Variants in HIGD1A observed in about 807,000 individuals in gnomAD.
HIGD1A encodes HIG1 hypoxia inducible domain family member 1A.
A neutral mutation model predicts 11.3 loss-of-function variants in HIGD1A; 8 were observed. That is an observed-to-expected ratio of 0.71 (90% confidence interval 0.42 to 1.28). HIGD1A has a LOEUF of 1.28. Ranked by LOEUF, HIGD1A falls within the 50% of genes most tolerant of loss-of-function variation. HIGD1A has a pLI of 0.01. For synonymous variants in HIGD1A, 32 were observed against 38.4 expected (o/e 0.83, Z 0.62); for missense variants, 107 against 118.8 (o/e 0.90, Z 0.46).
rs1313592281 is a variant in HIGD1A at position 42,783,438 on chromosome 3, A to C, written c.*1833T>G. On this transcript the variant is annotated 3_prime_UTR_variant, in exon 4 of 4. Coordinates refer to ENST00000321331, the MANE Select transcript of HIGD1A (RefSeq NM_014056.4). ...AGTTCAAGATCATCCAACATGGTGA[A>C]ACCTCGCCTTTACTAAAAACACAAA... Among the ~76,000 whole-genome samples the C allele has an allele frequency of 1.3e-5, 2 of 151,998 alleles. No individual in the cohort carries two copies. Among genetic ancestry groups the C allele is most frequent in the African/African-American group, 4.8e-5 (2 of 41,368 alleles).
Position 42,785,282 on chromosome 3 carries a change from G to A in HIGD1A, c.271C>T (p.Pro91Ser). The A allele has an allele frequency of 6.2e-7, 1 of 1,610,658 alleles. No individual in the cohort carries two copies. The highest frequency in any genetic ancestry group is 2.2e-5 in the East Asian group (1 of 44,838). Residue 91 changes from proline (P) to serine (S), a missense_variant, in exon 4 of 4, where the codon CCT (proline) becomes TCT (serine). Coordinates refer to ENST00000321331, the MANE Select transcript of HIGD1A (RefSeq NM_014056.4). ...YSMYREFWAKPKP is the reference protein window; with the variant it reads ...YSMYREFWAKSKP ...CAGCATCTCTTCTTCTAAGGCTTAG[G>A]TTTTGCCCAGAATTCCCGATACATG...
rs1243937157 is a variant in HIGD1A at position 42,803,506 on chromosome 3, G to C, written c.-23+930C>G. 2.0e-5 allele frequency among the ~76,000 whole-genome samples: 3 copies of C among 152,204 alleles called. No individual in the cohort carries two copies. In the South Asian group the frequency reaches 6.2e-4, roughly 31 times the overall value. On this transcript the variant is annotated intron_variant, in intron 1 of 3. Coordinates refer to ENST00000321331, the MANE Select transcript of HIGD1A (RefSeq NM_014056.4). ...CCTTCAAGTGACTCTGGTGCACAAA[G>C]AGAACTCCTAGTATACAGGACTCCA...
chr3:42,794,562 T>A (rs1231037343), intron 1 of HIGD1A, among the ~76,000 whole-genome samples: 1 of 152,194 alleles, frequency 6.6e-6, no homozygotes, highest in Non-Finnish European at 1.5e-5. Flanking sequence ...TTTAAATTGA[T>A]GTTACTTTTA....
rs372113783 is a variant in HIGD1A at position 42,786,024 on chromosome 3, C to T, written c.232+4G>A. 1 of 1,611,948 alleles carries T rather than the reference C, an allele frequency of 6.2e-7. No homozygotes were observed. The highest frequency in any genetic ancestry group is 1.3e-5 in the African/African-American group (1 of 74,846). On this transcript the variant is annotated splice_donor_region_variant and intron_variant, in intron 3 of 3. Coordinates refer to ENST00000321331, the MANE Select transcript of HIGD1A (RefSeq NM_014056.4). ...AAAATTTGAAATTTCCTATAGGAAC[C>T]TACCAACAGTCATTGCTCCTACAAC...
intron 1 of HIGD1A, among the ~76,000 whole-genome samples, chr3:42,799,988 A>G (rs576735892): frequency 1.1e-4 from 16 of 152,294 alleles, no homozygotes; most frequent in Non-Finnish European, 2.2e-4. Flanking sequence ...TAAACACTGT[A>G]TTTATTTTAG....
At chr3:42,785,608 G>GA (rs1559674717) in intron 3 of HIGD1A, among the ~76,000 whole-genome samples, 2 of 152,102 alleles carry the variant, frequency 1.3e-5, no homozygotes, top group African/African-American at 4.8e-5. Flanking sequence ...ACTTTGAAAG[G>GA]AATCACTCTT....
intron 2 of HIGD1A, among the ~76,000 whole-genome samples, chr3:42,793,288 G>A (rs538038615): frequency 9.9e-5 from 15 of 151,736 alleles, no homozygotes; most frequent in African/African-American, 2.7e-4. Flanking sequence ...ATATGCCTGC[G>A]AGTCCGACCT....
chr3:42,789,067 G>A (rs570801151), intron 2 of HIGD1A, among the ~76,000 whole-genome samples: 5 of 129,182 alleles, frequency 3.9e-5, no homozygotes, highest in African/African-American at 1.5e-4. Context: ...TTGAGACGGA[G>A]TCTTGTTCTG....
chr3:42,790,200 TCTAA>T (rs1700406077), intron 2 of HIGD1A, among the ~76,000 whole-genome samples: 1 of 152,226 alleles, frequency 6.6e-6, no homozygotes, highest in Non-Finnish European at 1.5e-5. Flanking sequence ...TTGCAGATCA[TCTAA>T]CTGTGTGTAT....
intron 2 of HIGD1A, 44 bp downstream of exon 2, chr3:42,794,113 G>A (rs553475187): frequency 1.5e-5 from 23 of 1,556,336 alleles, no homozygotes; most frequent in East Asian, 7.0e-5. Context: ...AAATTATCAC[G>A]GCTCTACCAT....
rs1219660408 is a variant in HIGD1A, at chr3:42,785,015, A to G, written c.*256T>C. The G allele has an allele frequency of 1.7e-5, 7 of 420,380 alleles. No homozygotes were observed. Among genetic ancestry groups the G allele is most frequent in the Admixed American group, 4.2e-5 (1 of 24,088 alleles). 26.0% of individuals were successfully genotyped at this position (420,380 alleles called of 1,614,324 possible). On this transcript the variant is annotated 3_prime_UTR_variant, in exon 4 of 4. Coordinates refer to ENST00000321331, the MANE Select transcript of HIGD1A (RefSeq NM_014056.4). ...AAAATTTAAGAAGGTGGACATTTCA[A>G]CACCATCAAGTGCATTTAGGTGACA...
intron 2 of HIGD1A, among the ~76,000 whole-genome samples, chr3:42,790,497 C>T (rs548596240): frequency 3.3e-5 from 5 of 152,174 alleles, no homozygotes; most frequent in Non-Finnish European, 7.3e-5. Flanking sequence ...TGTGCCACTG[C>T]ACTCCAGCCT....
In HIGD1A at chr3:42,794,211, C is replaced by T; in HGVS notation, c.43G>A (p.Asp15Asn). Reference protein sequence around the residue: ...TGVSLPSYEEDQGSKLIRKAK... With the variant: ...TGVSLPSYEENQGSKLIRKAK... ...TTTCGAATGAGTTTTGATCCCTGAT[C>T]TTCCTCATATGAAGGAAGGGAAACA... Residue 15 changes from aspartate (D) to asparagine (N), a missense_variant, in exon 2 of 4, where the codon GAT (aspartate) becomes AAT (asparagine). Physicochemically the swap from Asp to Asn is conservative, Grantham distance 23 (BLOSUM62 1). Transcript: ENST00000321331. The T allele has an allele frequency of 6.2e-7, 1 of 1,605,230 alleles. No homozygotes were observed. Among genetic ancestry groups the T allele is most frequent in the Non-Finnish European group, 8.5e-7 (1 of 1,177,428 alleles).
At chr3:42,803,623 C>T (rs1021438633) in intron 1 of HIGD1A, among the ~76,000 whole-genome samples, 2 of 152,210 alleles carry the variant, frequency 1.3e-5, no homozygotes, top group Admixed American at 6.5e-5. Flanking sequence ...CTCCAAAGTG[C>T]CTTTGTACTT....
chr3:42,789,085 G>T (rs1700388136), intron 2 of HIGD1A, among the ~76,000 whole-genome samples: 2 of 121,846 alleles, frequency 1.6e-5, no homozygotes, highest in Non-Finnish European at 1.6e-5. Context: ...CTGTCACCCA[G>T]GCTGGAGTGC....
chr3:42,796,031 G>A (rs564138868), intron 1 of HIGD1A, among the ~76,000 whole-genome samples: 1 of 152,248 alleles, frequency 6.6e-6, no homozygotes, highest in East Asian at 1.9e-4. Context: ...TTTCACTTCT[G>A]GGTTTTTCAT....
chr3:42,789,486 T>A, intron 2 of HIGD1A, among the ~76,000 whole-genome samples: 1 of 138,514 alleles, frequency 7.2e-6, no homozygotes, highest in Non-Finnish European at 1.5e-5. Flanking sequence ...GGCAACAGAG[T>A]GAGACCTGTG....
chr3:42,803,212 T>G (rs1700591207), intron 1 of HIGD1A, among the ~76,000 whole-genome samples: 1 of 152,178 alleles, frequency 6.6e-6, no homozygotes, highest in African/African-American at 2.4e-5. Context: ...GTACGCTTAG[T>G]AAGACACGAC....
intron 1 of HIGD1A, among the ~76,000 whole-genome samples, chr3:42,803,094 C>G (rs955457173): frequency 2.6e-5 from 4 of 152,160 alleles, no homozygotes; most frequent in African/African-American, 4.8e-5. Context: ...GTTTTCTCAT[C>G]CACCCACAGT....
Sources: gnomAD v4.1 joint callset for allele counts (sites outside exome capture counted in the v4.1 genomes callset) on GRCh38, gnomAD v4.1.1 for gene constraint, MANE v1.5 for transcripts, NCBI Gene and HGNC (gene_info 2026-07-23, HGNC 2026-07-21) for gene names.